Variants in OTUD7B observed in about 807,000 individuals in gnomAD.
The protein encoded by OTUD7B is OTU deubiquitinase 7B, also known as OTU domain-containing protein 7B.
In OTUD7B, 34 loss-of-function variants were observed where a neutral mutation model predicts 82.2. That is an observed-to-expected ratio of 0.41 (90% CI 0.31 to 0.55). The LOEUF (loss-of-function observed/expected upper bound fraction) is 0.55, where lower values mean the gene tolerates loss of function less well. OTUD7B is among the 20% of genes least tolerant of loss of function. OTUD7B has a pLI of 0.20. For synonymous variants in OTUD7B, 398 were observed against 402.7 expected (o/e 0.99, Z 0.14); for missense variants, 944 against 1,062.1 (o/e 0.89, Z 1.55).
chr1:150,016,452 CTTTTTTTTTT>C, the OTUD7B span, among the ~76,000 whole-genome samples: 4 of 106,608 alleles, frequency 3.8e-5, no homozygotes, highest in South Asian at 3.1e-4. Context: ...TTTTCTTTTT[CTTTTTTTTTT>C]TTTTTTTTTG....
At chr1:150,045,688 G>C in the OTUD7B span, among the ~76,000 whole-genome samples, 235 of 152,194 alleles carry the variant, frequency 1.5e-3, 1 homozygote, top group Middle Eastern at 6.8e-3. Flanking sequence ...GTTTGTTACA[G>C]TCCTACACAT....
chr1:149,990,883 T>C (rs939486013), intron 1 of OTUD7B, among the ~76,000 whole-genome samples: 15 of 151,564 alleles, frequency 9.9e-5, no homozygotes, highest in African/African-American at 3.4e-4. Flanking sequence ...CCGAGCTACT[T>C]GGGAGGCTGA....
chr1:150,062,224 T>C, the OTUD7B span, among the ~76,000 whole-genome samples: 1 of 152,162 alleles, frequency 6.6e-6, no homozygotes, highest in Non-Finnish European at 1.5e-5. Context: ...GTATGTACAG[T>C]ATATCTTTAG....
chr1:150,040,811 G>T, the OTUD7B span, among the ~76,000 whole-genome samples: 4 of 150,402 alleles, frequency 2.7e-5, no homozygotes, highest in Non-Finnish European at 4.4e-5. Flanking sequence ...CTGGGTTTAA[G>T]CCATTCTCCT....
At chr1:149,964,172 G>A in intron 6 of OTUD7B, 50 bp downstream of exon 6, 1 of 1,600,286 alleles carries the variant, frequency 6.2e-7, no homozygotes, top group Non-Finnish European at 8.5e-7. Flanking sequence ...AGTGACTTTG[G>A]CAGCTTGGTA....
chr1:150,017,216 TAAG>T, the OTUD7B span, among the ~76,000 whole-genome samples: 3 of 152,202 alleles, frequency 2.0e-5, no homozygotes, highest in Non-Finnish European at 4.4e-5. Flanking sequence ...GGAGAACTCC[TAAG>T]AAGAAAATCC....
chr1:149,990,249 G>A (rs587728340), intron 1 of OTUD7B, among the ~76,000 whole-genome samples: 6 of 152,346 alleles, frequency 3.9e-5, no homozygotes, highest in Admixed American at 1.3e-4. Context: ...CTTTAAGGAC[G>A]TGTAAAAGCT....
chr1:150,053,587 G>A, the OTUD7B span, among the ~76,000 whole-genome samples: 1 of 151,852 alleles, frequency 6.6e-6, no homozygotes, highest in Non-Finnish European at 1.5e-5. Flanking sequence ...GTAGAGACGA[G>A]GTTTCTCCAT....
chr1:150,015,722 T>A (rs1653247108), upstream of OTUD7B, among the ~76,000 whole-genome samples: 1 of 151,140 alleles, frequency 6.6e-6, no homozygotes, highest in Admixed American at 6.6e-5. Flanking sequence ...AGAACCTTGA[T>A]TAGGTTCAAG....
chr1:149,963,600 C>T (rs1388330626), intron 6 of OTUD7B: 1 of 150,978 alleles, frequency 6.6e-6, no homozygotes, highest in Non-Finnish European at 1.5e-5. Context: ...TTGCGCAACC[C>T]GTTTTGGAGA....
At position 149,944,737 on chromosome 1, in the gene OTUD7B, T is replaced by G. The variant is rs1647568861; in HGVS notation, c.1652A>C (p.Lys551Thr). The change falls in exon 12 of 12, where the codon AAG becomes ACG. Residue 551 changes from lysine (K) to threonine (T), a missense_variant. Physicochemically the swap from Lys to Thr is moderately conservative, Grantham distance 78 (BLOSUM62 -1). Transcript: ENST00000581312. ...GSSGTETLEK[K>T]KKNSLKSWKG... ...CCAGCTCTTCAGTGAGTTTTTCTTC[T>G]TCTTCTCCAGTGTCTCAGTGCCGCT... 1.2e-6 allele frequency: 2 copies of G among 1,613,778 alleles called. No individual in the cohort carries two copies.
At chr1:150,066,990 G>C in the OTUD7B span, 1 of 152,140 alleles carries the variant, frequency 6.6e-6, no homozygotes, top group Non-Finnish European at 1.5e-5. The surrounding 1 kb of genome is among the most constrained non-coding windows in gnomAD (Gnocchi z 4.6). Context: ...GAGTCCCGCC[G>C]GAGTTAGAGC....
In OTUD7B at chr1:149,949,068, G is replaced by GT; in HGVS notation, c.1138dup (p.Thr380AsnfsTer6). 6.2e-7 allele frequency: 1 copy of GT among 1,610,330 alleles called. No homozygotes were observed. Among genetic ancestry groups the GT allele is most frequent in the South Asian group, 1.1e-5 (1 of 91,008 alleles). The stretch of plus-strand genomic sequence containing the variant: ...GGGCAGCAGCTTATACTCTGAATCT[G>GT]TAAGTGGGATCACAGCTGGAGAGGA... On this transcript the variant is annotated frameshift_variant, in exon 10 of 12. Coordinates refer to ENST00000581312, the MANE Select transcript of OTUD7B (RefSeq NM_020205.4). LOFTEE classifies it high-confidence loss of function.
chr1:149,953,853 T>C (rs1448188866), intron 7 of OTUD7B, among the ~76,000 whole-genome samples: 2 of 152,204 alleles, frequency 1.3e-5, no homozygotes, highest in Non-Finnish European at 2.9e-5. Flanking sequence ...TCTGATTGTC[T>C]ATTATTGGTG....
chr1:150,011,580 G>A (rs1489309922), upstream of OTUD7B, among the ~76,000 whole-genome samples: 5 of 152,182 alleles, frequency 3.3e-5, no homozygotes, highest in African/African-American at 1.2e-4. Flanking sequence ...TCACATAGTA[G>A]ACCTTCCATA....
the OTUD7B span, among the ~76,000 whole-genome samples, chr1:150,049,221 G>C: frequency 6.6e-6 from 1 of 152,032 alleles, no homozygotes; most frequent in Non-Finnish European, 1.5e-5. Context: ...CAGATTACCT[G>C]GTTCTCAATT....
chr1:150,053,638 C>T, the OTUD7B span, among the ~76,000 whole-genome samples: 1 of 152,090 alleles, frequency 6.6e-6, no homozygotes, highest in African/African-American at 2.4e-5. Flanking sequence ...TCAAGTGATT[C>T]ACCCACCTCA....
chr1:150,011,607 A>G (rs782691615), upstream of OTUD7B, among the ~76,000 whole-genome samples: 7 of 152,230 alleles, frequency 4.6e-5, no homozygotes, highest in South Asian at 2.1e-4. Context: ...GAATGAATGA[A>G]TAAGTATTAG....
the OTUD7B span, chr1:150,054,026 G>C: frequency 2.6e-5 from 9 of 351,784 alleles, no homozygotes; most frequent in Non-Finnish European, 4.7e-5. Context: ...CAGAGGGATT[G>C]GCAGATATTC....
Sources: gnomAD v4.1 joint callset for allele counts (sites outside exome capture counted in the v4.1 genomes callset) on GRCh38, gnomAD v4.1.1 for gene constraint, Gnocchi (gnomAD v3.1) non-coding constraint, MANE v1.5 for transcripts, NCBI Gene and HGNC (gene_info 2026-07-23, HGNC 2026-07-21) for gene names.